The following ACSS1 variants were observed in gnomAD, a reference collection of about 807,000 sequenced individuals.
ACSS1 encodes the protein acyl-CoA synthetase short chain family member 1.
Under a neutral mutation model 75.3 loss-of-function variants are expected in ACSS1, and 42 were observed. The ratio of observed to expected loss-of-function variants is 0.56; its 90% CI spans 0.44 to 0.72. ACSS1 has a LOEUF of 0.72. Ranked by LOEUF, ACSS1 falls within the 30% of genes least tolerant of loss-of-function variation. ACSS1 has a pLI of 0.00. For synonymous variants in ACSS1, 380 were observed against 376.8 expected (o/e 1.01, Z -0.10); for missense variants, 782 against 935.7 (o/e 0.84, Z 2.14).
intron 3 of ACSS1, among the ~76,000 whole-genome samples, chr20:25,026,764 T>C (rs1450064928): frequency 6.6e-6 from 1 of 152,208 alleles, no homozygotes; most frequent in Non-Finnish European, 1.5e-5. Flanking sequence ...CAACAGAATC[T>C]TGTCCCCAGG....
rs141052908 is a variant in ACSS1 at position 25,057,849 on chromosome 20, G to T, written c.254C>A (p.Thr85Asn). ...GCAGTCCCAGACGGTGTGGTAGGGG[G>T]TGTCCCACACGAGAGTGTCCCGCGC... ...PLARDTLVWD[T>N]PYHTVWDCDF... Residue 85 changes from threonine (T) to asparagine (N), a missense_variant, in exon 1 of 14, where the codon ACC (threonine) becomes AAC (asparagine). Around this residue, in one of 2 missense-constraint regions of ACSS1, gnomAD observed 377 missense variants for 383.1 expected, o/e 0.98. Coordinates refer to ENST00000323482, the MANE Select transcript of ACSS1 (RefSeq NM_032501.4). The T allele has an allele frequency of 8.0e-4, 1,289 of 1,612,602 alleles. 5 individuals carry two copies. Among genetic ancestry groups the T allele is most frequent in the Middle Eastern group, 3.5e-3 (21 of 6,062 alleles).
intron 3 of ACSS1, among the ~76,000 whole-genome samples, chr20:25,026,937 A>G (rs555862853): frequency 5.3e-5 from 8 of 152,360 alleles, no homozygotes; most frequent in African/African-American, 1.7e-4. Context: ...CACATGATGA[A>G]GTCACCAAGA....
At chr20:25,022,214 A>G (rs1175844066) in intron 5 of ACSS1, among the ~76,000 whole-genome samples, 1 of 152,132 alleles carries the variant, frequency 6.6e-6, no homozygotes, top group Non-Finnish European at 1.5e-5. Flanking sequence ...AAAAAAAATT[A>G]GCAGGGTGTG....
At position 25,021,411 on chromosome 20, in the gene ACSS1, G is replaced by A; in HGVS notation, c.1086C>T (p.Ser362=). 6.2e-7 allele frequency: 1 copy of A among 1,614,164 alleles called. No individual in the cohort carries two copies. The highest frequency in any genetic ancestry group is 8.5e-7 in the Non-Finnish European group (1 of 1,180,014). ...TACCAGCATTGGGATAAACTGGGGT[G>A]CTCTCAAAAAGGACGCTGGTGGCAC... ...CNGATSVLFE[S]TPVYPNAGRY... The change falls in exon 6 of 14, where the codon AGC becomes AGT. Residue 362 remains serine, a synonymous_variant. Transcript: ENST00000323482.
At chr20:25,008,034 G>A (rs1259128282) in intron 13 of ACSS1, 93 bp from the exon 14 acceptor site, 4 of 1,455,498 alleles carry the variant, frequency 2.7e-6, no homozygotes, top group East Asian at 4.9e-5. Context: ...CTCTGCTCAG[G>A]GGGGATGCCC....
intron 1 of ACSS1, among the ~76,000 whole-genome samples, chr20:25,056,783 T>C (rs2089248379): frequency 6.6e-6 from 1 of 152,208 alleles, no homozygotes; most frequent in Admixed American, 6.5e-5. Context: ...AAGCTGGTTA[T>C]GACCACCCTT....
rs200285440 is a variant in ACSS1, at chr20:25,019,654, C to T, written c.1246+356G>A. Among the ~76,000 whole-genome samples, 6 of 152,342 alleles carry T rather than the reference C, an allele frequency of 3.9e-5. No homozygotes were observed. In the East Asian group the frequency reaches 1.2e-3, roughly 29 times the overall value. ...CCACCTCAGCCTTTGCCACCACACC[C>T]AGCTAAGTTATACAGTTAAATCCCA... On this transcript the variant is annotated intron_variant, in intron 7 of 13. Transcript: ENST00000323482.
rs2088623217 is a variant in ACSS1, at chr20:25,021,450, C to T, written c.1047G>A (p.Gly349=). Residue 349 remains glycine (G), a synonymous_variant, in exon 6 of 14, where the codon GGG becomes GGA. Coordinates refer to ENST00000323482, the MANE Select transcript of ACSS1 (RefSeq NM_032501.4). ...CGCTGGTGGCACCATTGCAGAGAGG[C>T]CCATACACCACGTAGCTGTGTCCTG... is the stretch of plus-strand genomic sequence containing the variant. ...WITGHSYVVY[G]PLCNGATSVL... The T allele has an allele frequency of 3.1e-6, 5 of 1,614,118 alleles. No homozygotes were observed. In the Admixed American group the frequency reaches 6.7e-5, roughly 22 times the overall value.
chr20:25,041,897 G>A (rs927303880), intron 2 of ACSS1, among the ~76,000 whole-genome samples: 3 of 152,150 alleles, frequency 2.0e-5, no homozygotes, highest in African/African-American at 7.2e-5. Flanking sequence ...TTGAGGGTTT[G>A]GTCACCTGCA....
At chr20:25,039,794 G>A (rs1336213884) in intron 2 of ACSS1, among the ~76,000 whole-genome samples, 2 of 152,250 alleles carry the variant, frequency 1.3e-5, no homozygotes, top group East Asian at 3.8e-4. Context: ...GTTAACGCCT[G>A]GTTTTCCCTT....
At chr20:25,057,681 C>T (rs2089262695) in intron 1 of ACSS1, 88 bp downstream of exon 1, 3 of 1,365,394 alleles carry the variant, frequency 2.2e-6, no homozygotes, top group Admixed American at 2.4e-5. Context: ...TCCGCGCTGC[C>T]CGGGGACGGC....
chr20:25,006,537 C>G lies in ACSS1; in HGVS notation c.*1225G>C, dbSNP rs149995450. 4.6e-5 allele frequency: 14 copies of G among 304,720 alleles called. No homozygotes were observed. The highest frequency in any genetic ancestry group is 2.8e-4 in the African/African-American group (13 of 47,060). The allele number at this position is 304,720 out of a possible 1,614,324, so 18.9% of individuals were successfully genotyped here. On this transcript the variant is annotated 3_prime_UTR_variant, in exon 14 of 14. Transcript: ENST00000323482. ...GGGTACTCAGTGGCCCAGACACCCC[C>G]CGAACACTGGCACTGCCACAAGGCC...
Position 25,015,828 on chromosome 20 carries a change from GA to G in ACSS1, c.1247-599del, listed in dbSNP as rs552114555. Among the ~76,000 whole-genome samples, 511 of 152,316 alleles carry G rather than the reference GA, an allele frequency of 3.4e-3. 2 individuals are homozygous for G. Among genetic ancestry groups the G allele is most frequent in the Middle Eastern group, 6.8e-3 (2 of 294 alleles). On this transcript the variant is annotated intron_variant, in intron 7 of 13. Coordinates refer to ENST00000323482, the MANE Select transcript of ACSS1 (RefSeq NM_032501.4). Reference sequence around the variant, plus strand: ...GAGGATAGTTTGGTTCAGCAATTTTGAGGAGCAATCTGGATGTTTCTCTTAA... The same window carrying G: ...GAGGATAGTTTGGTTCAGCAATTTTGGGAGCAATCTGGATGTTTCTCTTAA...
intron 13 of ACSS1, among the ~76,000 whole-genome samples, chr20:25,008,997 G>A (rs1446096103): frequency 6.6e-6 from 1 of 151,998 alleles, no homozygotes; most frequent in African/African-American, 2.4e-5. Context: ...TGAGCATGTA[G>A]GCCTGCCTAG....
At chr20:25,053,778 T>A (rs1367970207) in intron 1 of ACSS1, among the ~76,000 whole-genome samples, 1 of 152,208 alleles carries the variant, frequency 6.6e-6, no homozygotes, top group Non-Finnish European at 1.5e-5. Context: ...AATTTCCCAG[T>A]GCTCAATGCT....
intron 1 of ACSS1, among the ~76,000 whole-genome samples, chr20:25,052,701 TG>T (rs1182593999): frequency 6.6e-6 from 1 of 152,352 alleles, no homozygotes; most frequent in Admixed American, 6.5e-5. Context: ...ATCTGTGCAA[TG>T]GGACCACCAA....
intron 2 of ACSS1, among the ~76,000 whole-genome samples, chr20:25,041,060 C>T (rs987698398): frequency 2.0e-5 from 3 of 152,126 alleles, no homozygotes; most frequent in South Asian, 2.1e-4. Flanking sequence ...AGATTGAGAC[C>T]ATCCTGGCTA....
At chr20:25,016,363 A>G (rs564021936) in intron 7 of ACSS1, among the ~76,000 whole-genome samples, 1 of 152,358 alleles carries the variant, frequency 6.6e-6, no homozygotes, top group Admixed American at 6.5e-5. Flanking sequence ...AACACTTAAC[A>G]TCTGTACCCT....
At chr20:25,049,553 C>T (rs1047622853) in intron 1 of ACSS1, among the ~76,000 whole-genome samples, 16 of 152,170 alleles carry the variant, frequency 1.1e-4, no homozygotes, top group Non-Finnish European at 5.9e-5. Flanking sequence ...CAAAAGTGAC[C>T]AAACACACAA....
Sources: gnomAD v4.1 joint callset for allele counts (sites outside exome capture counted in the v4.1 genomes callset) on GRCh38, gnomAD v4.1.1 for gene constraint, gnomAD v4.1.1 regional missense constraint, MANE v1.5 for transcripts, NCBI Gene and HGNC (gene_info 2026-07-23, HGNC 2026-07-21) for gene names.